YWHAZ: variants seen among roughly 807,000 people sequenced by gnomAD.
YWHAZ encodes the protein 14-3-3 protein zeta/delta.
For missense variants in YWHAZ, 79 were observed against 284.8 expected, an observed-to-expected ratio of 0.28 and a Z score of 5.20; for synonymous variants, 87 against 103.6, an observed-to-expected ratio of 0.84 and a Z score of 0.97.
chr8:100,936,762 G>A (rs528467547), intron 2 of YWHAZ, among the ~76,000 whole-genome samples: 36 of 152,192 alleles, frequency 2.4e-4, no homozygotes, highest in African/African-American at 7.5e-4. Flanking sequence ...AGGATAGCTC[G>A]CCACTGAAGT....
chr8:100,929,599 T>G lies in YWHAZ; in HGVS notation c.295-4560A>C, dbSNP rs369399304. ...TAACTATAATTTCCCTACTGTACTA[T>G]TGAATACTAGAACTTATTTCTACTA... On this transcript the variant is annotated intron_variant, in intron 2 of 5. Transcript: ENST00000395958. 2.6e-5 allele frequency among the ~76,000 whole-genome samples: 4 copies of G among 152,378 alleles called. No homozygotes were observed. In the South Asian group the frequency reaches 8.3e-4, roughly 32 times the overall value.
At chr8:100,939,612 T>TCA (rs1318035866) in intron 2 of YWHAZ, among the ~76,000 whole-genome samples, 1 of 151,742 alleles carries the variant, frequency 6.6e-6, no homozygotes, top group African/African-American at 2.4e-5. Context: ...TGAGCCAAGA[T>TCA]CACGCCATTG....
Position 100,924,847 on chromosome 8 carries a change from C to T in YWHAZ, c.418+69G>A, listed in dbSNP as rs573436069. On this transcript the variant is annotated intron_variant, in intron 3 of 5. Coordinates refer to ENST00000395958, the MANE Select transcript of YWHAZ (RefSeq NM_145690.3). This position sits in a 1 kb window ranked among gnomAD's most constrained non-coding sequence, Gnocchi z 5.7. ...GCAATTCAAAACAAGACATTATGTA[C>T]GCTTCAGAGACTCTTCCTCACTATG... 49 of 1,587,684 alleles carry T rather than the reference C, an allele frequency of 3.1e-5. No homozygotes were observed. The highest frequency in any genetic ancestry group is 4.1e-5 in the African/African-American group (3 of 74,040).
chr8:100,932,481 A>C (rs1045652363), intron 2 of YWHAZ, among the ~76,000 whole-genome samples: 1 of 152,224 alleles, frequency 6.6e-6, no homozygotes, highest in Non-Finnish European at 1.5e-5. Flanking sequence ...TTTATGGCTT[A>C]AAAGTTTGTC....
In YWHAZ at chr8:100,922,976, A is replaced by C. The variant is rs1586084421; in HGVS notation, c.678+979T>G. 6.6e-6 allele frequency: 1 copy of C among 152,224 alleles called. No homozygotes were observed. The highest frequency in any genetic ancestry group is 2.4e-5 in the African/African-American group (1 of 41,470). 9.4% of individuals were successfully genotyped at this position (152,224 alleles called of 1,614,324 possible). A position where few individuals can be genotyped will look rare whatever the true frequency, so the allele number is the denominator to read the frequency against. The stretch of plus-strand genomic sequence containing the variant: ...ATCAGAAAAGTTTATAGATAGCTCC[A>C]AATTGTGCTAATAAAGTAATTTTAG... On this transcript the variant is annotated intron_variant, in intron 5 of 5. Coordinates refer to ENST00000395958, the MANE Select transcript of YWHAZ (RefSeq NM_145690.3). The surrounding 1 kb of genome is among the most constrained non-coding windows in gnomAD (Gnocchi z 4.1).
chr8:100,927,995 G>T (rs1813480300), intron 2 of YWHAZ, among the ~76,000 whole-genome samples: 1 of 152,160 alleles, frequency 6.6e-6, no homozygotes, highest in Non-Finnish European at 1.5e-5. Context: ...AGTTGAGAAA[G>T]GTGGCTGGGC....
chr8:100,940,428 A>G (rs1448485900), intron 2 of YWHAZ, among the ~76,000 whole-genome samples: 1 of 152,176 alleles, frequency 6.6e-6, no homozygotes, highest in Non-Finnish European at 1.5e-5. Context: ...ATGTTCAATG[A>G]ATTTGCAGTA....
At chr8:100,949,518 G>C (rs757662446) in intron 1 of YWHAZ, among the ~76,000 whole-genome samples, 1 of 152,010 alleles carries the variant, frequency 6.6e-6, no homozygotes, top group Admixed American at 6.6e-5. Flanking sequence ...TTTGTTTTCA[G>C]ATATTTTGAG....
At chr8:100,946,294 T>C (rs574850365) in intron 2 of YWHAZ, among the ~76,000 whole-genome samples, 1 of 152,294 alleles carries the variant, frequency 6.6e-6, no homozygotes, top group Admixed American at 6.5e-5. Flanking sequence ...ATCCCAGCAC[T>C]TTGGGAGGCC....
intron 5 of YWHAZ, among the ~76,000 whole-genome samples, chr8:100,921,637 G>A (rs1563666789): frequency 6.6e-6 from 1 of 152,274 alleles, no homozygotes; most frequent in East Asian, 1.9e-4. Flanking sequence ...AAAAGTAATC[G>A]CAGCTCTTGC....
intron 2 of YWHAZ, among the ~76,000 whole-genome samples, chr8:100,933,481 G>A (rs1003062476): frequency 1.3e-5 from 2 of 151,944 alleles, no homozygotes; most frequent in Non-Finnish European, 2.9e-5. Flanking sequence ...CTGCTATGTT[G>A]TACACCTTAA....
At chr8:100,947,803 G>A (rs1008577180) in intron 2 of YWHAZ, among the ~76,000 whole-genome samples, 6 of 152,186 alleles carry the variant, frequency 3.9e-5, no homozygotes, top group African/African-American at 1.2e-4. Flanking sequence ...CTGGTTAAGT[G>A]TAACCATTTA....
At chr8:100,942,969 G>GC (rs1563685871) in intron 2 of YWHAZ, among the ~76,000 whole-genome samples, 1 of 152,194 alleles carries the variant, frequency 6.6e-6, no homozygotes, top group Non-Finnish European at 1.5e-5. Flanking sequence ...TTGGCAATGT[G>GC]CACTTTTCTG....
intron 2 of YWHAZ, among the ~76,000 whole-genome samples, chr8:100,937,991 G>T (rs1324828886): frequency 6.6e-6 from 1 of 152,156 alleles, no homozygotes; most frequent in Non-Finnish European, 1.5e-5. Context: ...TTAGCTGGGC[G>T]TGGTGGCGCA....
intron 2 of YWHAZ, among the ~76,000 whole-genome samples, chr8:100,930,420 T>A (rs1813685765): frequency 2.0e-5 from 3 of 152,330 alleles, no homozygotes; most frequent in East Asian, 3.9e-4. Flanking sequence ...AAACAAGGGC[T>A]AGGTTGACTG....
At chr8:100,928,668 G>A (rs1010891924) in intron 2 of YWHAZ, among the ~76,000 whole-genome samples, 2 of 151,972 alleles carry the variant, frequency 1.3e-5, no homozygotes, top group African/African-American at 2.4e-5. Context: ...GGGAGGCAGA[G>A]GTTGCAGTGA....
At chr8:100,952,196 G>C (rs894777632), upstream of YWHAZ, 3 of 979,776 alleles carry the variant, frequency 3.1e-6, no homozygotes, top group African/African-American at 5.2e-5. Flanking sequence ...CCCGGCGCTC[G>C]TCCTGCCCGC....
intron 2 of YWHAZ, among the ~76,000 whole-genome samples, chr8:100,926,198 A>ATT (rs55947914): frequency 7.7e-5 from 11 of 142,024 alleles, no homozygotes; most frequent in Admixed American, 7.0e-5. Context: ...TCTTCCCCCA[A>ATT]TTTTTTTTTT....
intron 2 of YWHAZ, among the ~76,000 whole-genome samples, chr8:100,947,820 C>A (rs1810418127): frequency 6.6e-6 from 1 of 152,192 alleles, no homozygotes; most frequent in Admixed American, 6.5e-5. Context: ...TTTAGTAAAA[C>A]CACTTTAAAT....
Sources: allele counts gnomAD v4.1 joint callset (sites outside exome capture counted in the v4.1 genomes callset), GRCh38; gene constraint gnomAD v4.1.1; non-coding constraint Gnocchi (gnomAD v3.1); transcripts MANE v1.5; gene names NCBI Gene and HGNC (gene_info 2026-07-23, HGNC 2026-07-21).